Variants in TLK1 observed in about 807,000 individuals in gnomAD.
The protein encoded by TLK1 is tousled like kinase 1.
In TLK1, 24 loss-of-function variants were observed where a neutral mutation model predicts 105.3. The observed-to-expected ratio is 0.23, with a 90% CI of 0.17 to 0.32. The LOEUF is 0.32. Among genes scored for constraint, TLK1 ranks in the 10% least tolerant of loss-of-function variants. The pLI, the probability that TLK1 is intolerant of heterozygous loss-of-function variation, is 1.00. For synonymous variants in TLK1, 321 were observed against 310.4 expected (o/e 1.03, Z -0.36); for missense variants, 558 against 910.5 (o/e 0.61, Z 4.98).
At chr2:171,098,843 A>G (rs1380470346) in intron 2 of TLK1, among the ~76,000 whole-genome samples, 6 of 152,156 alleles carry the variant, frequency 3.9e-5, no homozygotes, top group Non-Finnish European at 8.8e-5. Flanking sequence ...ACAGAACAAA[A>G]AATAACCACT....
At chr2:171,166,214 T>C (rs1343929244) in intron 1 of TLK1, among the ~76,000 whole-genome samples, 1 of 152,278 alleles carries the variant, frequency 6.6e-6, no homozygotes, top group Non-Finnish European at 1.5e-5. Flanking sequence ...TGTACTGTTC[T>C]CTGTTCTCTA....
At chr2:171,125,118 G>A (rs553025937) in intron 1 of TLK1, among the ~76,000 whole-genome samples, 5 of 152,294 alleles carry the variant, frequency 3.3e-5, no homozygotes, top group African/African-American at 1.2e-4. Flanking sequence ...CTCAACATCA[G>A]TAAATGGCTT....
At chr2:171,054,122 T>TG in intron 7 of TLK1, 2 of 231,992 alleles carry the variant, frequency 8.6e-6, no homozygotes, top group Non-Finnish European at 8.3e-6. Context: ...GTGCTATACG[T>TG]TCCTCTAGTT....
At chr2:171,145,049 C>A (rs1691735273) in intron 1 of TLK1, among the ~76,000 whole-genome samples, 1 of 152,184 alleles carries the variant, frequency 6.6e-6, no homozygotes, top group Admixed American at 6.5e-5. Context: ...TGGCTCACAC[C>A]TATAATCCCA....
chr2:171,105,646 C>T (rs1234161903), intron 2 of TLK1, among the ~76,000 whole-genome samples: 1 of 152,036 alleles, frequency 6.6e-6, no homozygotes, highest in Non-Finnish European at 1.5e-5. Flanking sequence ...CGAGACTGCG[C>T]CAGTGCACTC....
intron 1 of TLK1, among the ~76,000 whole-genome samples, chr2:171,202,814 TTTAAG>T (rs1234282637): frequency 6.6e-6 from 1 of 152,204 alleles, no homozygotes; most frequent in African/African-American, 2.4e-5. Context: ...TTAACAATAT[TTTAAG>T]TTATTTCAAA....
intron 1 of TLK1, among the ~76,000 whole-genome samples, chr2:171,120,843 A>T (rs987691249): frequency 6.6e-6 from 1 of 152,232 alleles, no homozygotes; most frequent in African/African-American, 2.4e-5. Flanking sequence ...ATTTGTACAA[A>T]CACATTTACA....
intron 1 of TLK1, among the ~76,000 whole-genome samples, chr2:171,195,894 G>A (rs892748144): frequency 3.9e-5 from 6 of 152,026 alleles, no homozygotes; most frequent in Non-Finnish European, 7.4e-5. Context: ...CAATGTTCGT[G>A]TGTGCCTGTA....
Position 171,160,497 on chromosome 2 carries a change from C to T in TLK1, c.-69G>A. ...CGGCGGCAACGGCACCGGCACCCGC[C>T]TCCGTCATGGCGGGGGCCGCGCTGA... On this transcript the variant is annotated 5_prime_UTR_variant, in exon 1 of 21. Coordinates refer to ENST00000431350, the MANE Select transcript of TLK1 (RefSeq NM_012290.5). This position sits in a 1 kb window ranked among gnomAD's most constrained non-coding sequence, Gnocchi z 4.4. The T allele has an allele frequency of 1.3e-6, 2 of 1,571,334 alleles. No homozygotes were observed. Among genetic ancestry groups the T allele is most frequent in the Non-Finnish European group, 1.7e-6 (2 of 1,163,620 alleles).
At chr2:171,084,750 A>G (rs1688896318) in intron 2 of TLK1, among the ~76,000 whole-genome samples, 1 of 152,208 alleles carries the variant, frequency 6.6e-6, no homozygotes, top group Admixed American at 6.5e-5. Flanking sequence ...AAATGAACTA[A>G]GAGATATTAC....
intron 1 of TLK1, among the ~76,000 whole-genome samples, chr2:171,136,304 T>C (rs1421348996): frequency 6.6e-6 from 1 of 152,212 alleles, no homozygotes; most frequent in Non-Finnish European, 1.5e-5. Context: ...TAGTGGTTGC[T>C]GGGGCCTAGG....
At chr2:171,046,436 T>A in intron 10 of TLK1, 74 bp from the exon 11 acceptor site, 4 of 1,447,012 alleles carry the variant, frequency 2.8e-6, no homozygotes, top group Non-Finnish European at 3.7e-6. Flanking sequence ...AAAAAATGCA[T>A]AAAAAACATG....
chr2:171,151,973 TAGG>T (rs756971507), intron 1 of TLK1, among the ~76,000 whole-genome samples: 7 of 152,172 alleles, frequency 4.6e-5, no homozygotes, highest in Non-Finnish European at 7.3e-5. Flanking sequence ...TCTCTGGTCT[TAGG>T]AGACAGGATG....
intron 3 of TLK1, among the ~76,000 whole-genome samples, chr2:171,062,310 C>T (rs953033544): frequency 3.3e-5 from 5 of 152,236 alleles, no homozygotes; most frequent in African/African-American, 1.2e-4. Flanking sequence ...AAATAAATCT[C>T]TTAAAAGCAT....
At chr2:171,158,162 G>A (rs1220666673) in intron 1 of TLK1, among the ~76,000 whole-genome samples, 3 of 152,174 alleles carry the variant, frequency 2.0e-5, no homozygotes, top group Non-Finnish European at 4.4e-5. Flanking sequence ...GCTTCAAAAT[G>A]AATATAACCC....
intron 2 of TLK1, among the ~76,000 whole-genome samples, chr2:171,092,693 C>T (rs1219873785): frequency 1.3e-5 from 2 of 152,188 alleles, no homozygotes; most frequent in Non-Finnish European, 2.9e-5. Context: ...AGTTACCAAA[C>T]TATGCTTGCT....
intron 1 of TLK1, among the ~76,000 whole-genome samples, chr2:171,189,984 T>C (rs986276371): frequency 3.3e-5 from 5 of 152,148 alleles, no homozygotes; most frequent in African/African-American, 1.2e-4. Context: ...AGCTAAAACA[T>C]GGAAAGAGAT....
In TLK1 at chr2:170,993,765, A is replaced by C; in HGVS notation, c.*15T>G. ...GAAGCAAATTCAAAGATATCATGCC[A>C]ATCTTGGAGGAAAGTCAGTAAGTAA... On this transcript the variant is annotated 3_prime_UTR_variant, in exon 21 of 21. Transcript: ENST00000431350. 1.9e-6 allele frequency: 3 copies of C among 1,542,260 alleles called. No individual in the cohort carries two copies. In the Middle Eastern group the frequency reaches 5.2e-4, roughly 267 times the overall value.
At chr2:171,115,814 C>T (rs911794956) in intron 2 of TLK1, among the ~76,000 whole-genome samples, 3 of 152,162 alleles carry the variant, frequency 2.0e-5, no homozygotes, top group Non-Finnish European at 4.4e-5. Context: ...AGGACTGCAT[C>T]ATATAATATT....
Sources: gnomAD v4.1 joint callset for allele counts (sites outside exome capture counted in the v4.1 genomes callset) on GRCh38, gnomAD v4.1.1 for gene constraint, Gnocchi (gnomAD v3.1) non-coding constraint, MANE v1.5 for transcripts, NCBI Gene and HGNC (gene_info 2026-07-23, HGNC 2026-07-21) for gene names.